Variants in LAMB4 observed in about 807,000 individuals in gnomAD.
LAMB4 encodes the protein laminin subunit beta 4.
LAMB4 carries 196 observed loss-of-function variants against 199.2 expected under a neutral mutation model. That is an observed-to-expected ratio of 0.98 (90% CI 0.88 to 1.11). LAMB4 has a LOEUF of 1.11. Among genes scored for constraint, LAMB4 ranks in the 50% least tolerant of loss-of-function variants. The pLI, the probability that LAMB4 is intolerant of heterozygous loss-of-function variation, is 0.00. For synonymous variants in LAMB4, 744 were observed against 770.6 expected (o/e 0.97, Z 0.57); for missense variants, 2,080 against 2,171.2 (o/e 0.96, Z 0.83).
intron 29 of LAMB4, among the ~76,000 whole-genome samples, chr7:108,038,622 T>G (rs2035312841): frequency 6.6e-6 from 1 of 152,226 alleles, no homozygotes; most frequent in Non-Finnish European, 1.5e-5. Flanking sequence ...CAACACAAAT[T>G]TGTAACCTTT....
chr7:108,097,130 T>C (rs1427280047), intron 11 of LAMB4, among the ~76,000 whole-genome samples: 2 of 152,186 alleles, frequency 1.3e-5, no homozygotes, highest in Non-Finnish European at 2.9e-5. Flanking sequence ...CATTTAATTT[T>C]GCCATCAAAC....
Position 108,065,008 on chromosome 7 carries a change from C to T in LAMB4, c.2836+754G>A, listed in dbSNP as rs775092388. Reference sequence around the variant, plus strand: ...GTAGCCATGAACTCCTGGGCTCAAGCGATCCTCTTGCCTCAGCCTCCCCAG... The same window carrying T: ...GTAGCCATGAACTCCTGGGCTCAAGTGATCCTCTTGCCTCAGCCTCCCCAG... On this transcript the variant is annotated intron_variant, in intron 21 of 33. Transcript: ENST00000388781. Among the ~76,000 whole-genome samples the T allele has an allele frequency of 5.9e-5, 9 of 151,312 alleles. No homozygotes were observed. In the South Asian group the frequency reaches 1.3e-3, roughly 21 times the overall value.
chr7:108,016,730 C>T, the LAMB4 span, among the ~76,000 whole-genome samples: 29 of 152,138 alleles, frequency 1.9e-4, no homozygotes, highest in African/African-American at 6.5e-4. Context: ...TTATATCTTT[C>T]CTCATCAGAG....
Position 108,066,397 on chromosome 7 carries a change from C to T in LAMB4, c.2650G>A (p.Gly884Ser). 1.2e-6 allele frequency: 2 copies of T among 1,614,098 alleles called. No homozygotes were observed. ...TCACAGTTTCTGCCAGTTGTAAAGC[C>T]TCCACAATTGAAGCATGACCCTGTC... ...PETGSCFNCG[G>S]FTTGRNCERC... is the part of the protein sequence containing the mutation. The change falls in exon 20 of 34, where the codon GGC (glycine) becomes AGC (serine). Residue 884 changes from glycine to serine, a missense_variant. Coordinates refer to ENST00000388781, the MANE Select transcript of LAMB4 (RefSeq NM_007356.3).
the LAMB4 span, among the ~76,000 whole-genome samples, chr7:108,016,527 G>C: frequency 1.3e-5 from 2 of 152,086 alleles, no homozygotes; most frequent in African/African-American, 4.8e-5. Flanking sequence ...CAAGTGATCC[G>C]CCTGCTGCGG....
Position 108,055,810 on chromosome 7 carries a change from C to G in LAMB4, c.3577G>C (p.Val1193Leu), listed in dbSNP as rs545318695. ...GCAGCCAGTCTCATTAACCCTTGCA[C>G]CGCTTTGGAGAGGGAAGAAATGGTG... is the stretch of plus-strand genomic sequence containing the variant. ...DHTISSLSKA[V>L]QGLMRLAANM... Residue 1193 changes from valine (V) to leucine (L), a missense_variant, in exon 25 of 34, where the codon GTG becomes CTG. Coordinates refer to ENST00000388781, the MANE Select transcript of LAMB4 (RefSeq NM_007356.3). 1 of 1,614,194 alleles carries G rather than the reference C, an allele frequency of 6.2e-7. No homozygotes were observed. The highest frequency in any genetic ancestry group is 1.3e-5 in the African/African-American group (1 of 75,056).
intron 3 of LAMB4, among the ~76,000 whole-genome samples, chr7:108,112,795 G>A (rs567114372): frequency 6.6e-6 from 1 of 152,160 alleles, no homozygotes; most frequent in African/African-American, 2.4e-5. Context: ...TCTGGGAAGC[G>A]GGGGCTGATC....
intron 31 of LAMB4, among the ~76,000 whole-genome samples, 175 bp from the exon 32 acceptor site, chr7:108,031,154 A>G (rs999380349): frequency 1.3e-5 from 2 of 151,810 alleles, no homozygotes; most frequent in African/African-American, 4.8e-5. Flanking sequence ...CAGACATACA[A>G]AAGGGTCTGA....
chr7:108,093,903 T>C (rs1422930778), intron 12 of LAMB4, among the ~76,000 whole-genome samples: 1 of 152,188 alleles, frequency 6.6e-6, no homozygotes, highest in Non-Finnish European at 1.5e-5. Flanking sequence ...TTGATGTTTT[T>C]CCCCAAACCA....
chr7:108,015,525 G>A, the LAMB4 span, among the ~76,000 whole-genome samples: 1 of 152,052 alleles, frequency 6.6e-6, no homozygotes, highest in African/African-American at 2.4e-5. Context: ...ATTTCTGTTT[G>A]GGTTATGACA....
intron 1 of LAMB4, among the ~76,000 whole-genome samples, chr7:108,126,975 G>A (rs2038811167): frequency 6.6e-6 from 1 of 152,070 alleles, no homozygotes; most frequent in African/African-American, 2.4e-5. Flanking sequence ...AATCTCTGGG[G>A]TGGGACCCAG....
chr7:108,050,409 G>GATGA (rs1486569615), intron 26 of LAMB4, among the ~76,000 whole-genome samples: 1 of 152,204 alleles, frequency 6.6e-6, no homozygotes, highest in Admixed American at 6.5e-5. Context: ...GATAGTAAGA[G>GATGA]ATGAAGCCAG....
chr7:108,080,625 A>C (rs2036894662), intron 14 of LAMB4, among the ~76,000 whole-genome samples: 1 of 152,136 alleles, frequency 6.6e-6, no homozygotes, highest in African/African-American at 2.4e-5. Flanking sequence ...TCATTTGATA[A>C]ATGTTTAGTA....
At position 108,116,179 on chromosome 7, in the gene LAMB4, T is replaced by G. The variant is rs985448355; in HGVS notation, c.35-18A>C. 47 of 1,606,818 alleles carry G rather than the reference T, an allele frequency of 2.9e-5. No homozygotes were observed. The highest frequency in any genetic ancestry group is 4.0e-5 in the Non-Finnish European group (47 of 1,174,876). The stretch of plus-strand genomic sequence containing the variant: ...GAGCCACCCTTGAACACAACAGAAA[T>G]AGCTTACACGGAAGGCAGTCTAAGG... On this transcript the variant is annotated intron_variant, in intron 2 of 33. Transcript: ENST00000388781.
rs2035006435 is a variant in LAMB4 at position 108,030,942 on chromosome 7, T to A, written c.4856A>T (p.Glu1619Val). The A allele has an allele frequency of 6.2e-7, 1 of 1,613,764 alleles. No individual in the cohort carries two copies. The highest frequency in any genetic ancestry group is 1.3e-5 in the African/African-American group (1 of 74,904). ...CAGCCCTGATCGCTGCTTTGCTAAC[T>A]CCAGCTCACTCTTCATTTCCCTGGT... ...NQTREMKSEL[E>V]LAKQRSGLED... The change falls in exon 32 of 34, where the codon GAG becomes GTG. Residue 1619 changes from glutamate to valine, a missense_variant. By Grantham distance (121) the Glu-to-Val change is moderately radical. Transcript: ENST00000388781.
At chr7:108,084,558 T>C (rs1375874081) in intron 14 of LAMB4, among the ~76,000 whole-genome samples, 1 of 152,162 alleles carries the variant, frequency 6.6e-6, no homozygotes, top group Non-Finnish European at 1.5e-5. Flanking sequence ...GTTGACCCAT[T>C]TGCAGATAGT....
At chr7:108,101,007 A>T (rs1204680630) in intron 10 of LAMB4, among the ~76,000 whole-genome samples, 1 of 152,240 alleles carries the variant, frequency 6.6e-6, no homozygotes, top group Non-Finnish European at 1.5e-5. Flanking sequence ...TTTGAAATCT[A>T]GGACATTGAA....
chr7:108,116,161 C>G lies in LAMB4; in HGVS notation c.35G>C (p.Gly12Ala), dbSNP rs1285187370. ...TTGAGCTTTTGAGTAACTGAGCCACCCTTGAACACAACAGAAATAGCTTAC... is the reference window on the plus strand; with the variant it reads ...TTGAGCTTTTGAGTAACTGAGCCACGCTTGAACACAACAGAAATAGCTTAC... ...QFQLTLFLHL[G>A]WLSYSKAQDD... The change falls in exon 3 of 34, where the codon GGG becomes GCG. Residue 12 changes from glycine (G) to alanine (A), a missense_variant and splice_region_variant. Gly to Ala is a moderately conservative substitution (Grantham distance 60, BLOSUM62 0). Coordinates refer to ENST00000388781, the MANE Select transcript of LAMB4 (RefSeq NM_007356.3). The G allele has an allele frequency of 6.2e-7, 1 of 1,612,876 alleles. No homozygotes were observed. The highest frequency in any genetic ancestry group is 2.2e-5 in the East Asian group (1 of 44,876).
intron 31 of LAMB4, 84 bp downstream of exon 31, chr7:108,034,124 G>T: frequency 1.6e-6 from 2 of 1,285,654 alleles, no homozygotes; most frequent in Non-Finnish European, 2.3e-6. Context: ...CGTAAAGCAA[G>T]CATAGCATTG....
Sources: gnomAD v4.1 joint callset for allele counts (sites outside exome capture counted in the v4.1 genomes callset) on GRCh38, gnomAD v4.1.1 for gene constraint, MANE v1.5 for transcripts, NCBI Gene and HGNC (gene_info 2026-07-23, HGNC 2026-07-21) for gene names.